ZC3H7A: variants seen among roughly 807,000 people sequenced by gnomAD.
ZC3H7A encodes the protein zinc finger CCCH domain-containing protein 7A.
A neutral mutation model predicts 125.5 loss-of-function variants in ZC3H7A; 44 were observed. That is an observed-to-expected ratio of 0.35 (90% CI 0.28 to 0.45). The LOEUF (loss-of-function observed/expected upper bound fraction) is 0.45, where lower values mean the gene tolerates loss of function less well. Among genes scored for constraint, ZC3H7A ranks in the 20% least tolerant of loss-of-function variants. The pLI is 1.00. For synonymous variants in ZC3H7A, 399 were observed against 391.2 expected, an observed-to-expected ratio of 1.02 and a Z score of -0.23; for missense variants, 977 against 1,170.7, an observed-to-expected ratio of 0.83 and a Z score of 2.41.
rs1379449095 is a variant in ZC3H7A at position 11,779,198 on chromosome 16, A to G, written c.274T>C (p.Tyr92His). ...LIPKEIIEKL[Y>H]INRIACYSNM... ...GAATAGCAGGCAATACGATTTATAT[A>G]TAGTTTTTCAATTATTTCTTTGGGG... Residue 92 changes from tyrosine to histidine, a missense_variant, in exon 4 of 23, where the codon TAT becomes CAT. Transcript: ENST00000355758. The G allele has an allele frequency of 6.2e-7, 1 of 1,606,876 alleles. No individual in the cohort carries two copies. The highest frequency in any genetic ancestry group is 8.5e-7 in the Non-Finnish European group (1 of 1,174,156).
intron 3 of ZC3H7A, among the ~76,000 whole-genome samples, chr16:11,780,409 C>A (rs1408140894): frequency 6.6e-6 from 1 of 152,102 alleles, no homozygotes; most frequent in African/African-American, 2.4e-5. Flanking sequence ...GTGTGAGCCA[C>A]CACGCCTGGC....
intron 10 of ZC3H7A, among the ~76,000 whole-genome samples, chr16:11,769,338 G>A (rs78862127): frequency 0.014 from 2,101 of 152,214 alleles, 16 homozygotes; most frequent in Non-Finnish European, 0.022. Flanking sequence ...AGCTAAGGCA[G>A]GGCCCACCAA....
At chr16:11,795,198 C>T (rs1596411076) in intron 1 of ZC3H7A, among the ~76,000 whole-genome samples, 1 of 152,138 alleles carries the variant, frequency 6.6e-6, no homozygotes, top group South Asian at 2.1e-4. Context: ...GGACAAGACC[C>T]ATTGTGCAAT....
Position 11,751,506 on chromosome 16 carries a change from C to G in ZC3H7A, c.2727G>C (p.Arg909Ser). ...CTTCTGGGCAGGTGCCATTCATATA[C>G]CTGTAAGGAGAAGTCAGCTGCTCAG... ...FPTGYFSICD[R>S]YMNGTCPEGN... The change falls in exon 23 of 23, where the codon AGG becomes AGC. Residue 909 changes from arginine to serine, a missense_variant and splice_region_variant. Coordinates refer to ENST00000355758, the MANE Select transcript of ZC3H7A (RefSeq NM_014153.4). 6.2e-7 allele frequency: 1 copy of G among 1,611,122 alleles called. No individual in the cohort carries two copies. Among genetic ancestry groups the G allele is most frequent in the Non-Finnish European group, 8.5e-7 (1 of 1,179,034 alleles).
intron 21 of ZC3H7A, 84 bp from the exon 22 acceptor site, chr16:11,752,916 G>C (rs977314346): frequency 6.6e-7 from 1 of 1,522,518 alleles, no homozygotes; most frequent in Non-Finnish European, 8.8e-7. Flanking sequence ...GCTGGTGGGA[G>C]AGCCAGGCAA....
At chr16:11,789,331 T>A (rs568437388) in intron 1 of ZC3H7A, among the ~76,000 whole-genome samples, 50 of 152,200 alleles carry the variant, frequency 3.3e-4, no homozygotes, top group African/African-American at 1.2e-3. Flanking sequence ...TGGCACAATC[T>A]CCAGCCTCCG....
At chr16:11,755,108 G>C (rs780975709) in intron 21 of ZC3H7A, among the ~76,000 whole-genome samples, 3 of 151,164 alleles carry the variant, frequency 2.0e-5, no homozygotes, top group Non-Finnish European at 2.9e-5. Flanking sequence ...TATTTAGAAG[G>C]CTGAGGCAGG....
At chr16:11,756,208 A>C in intron 21 of ZC3H7A, 29 bp downstream of exon 21, 1 of 1,589,596 alleles carries the variant, frequency 6.3e-7, no homozygotes, top group South Asian at 1.2e-5. Flanking sequence ...GGCTCGGCAA[A>C]GAGAGGGTAA....
Position 11,761,405 on chromosome 16 carries a change from C to T in ZC3H7A, c.2319+1G>A. 6.2e-7 allele frequency: 1 copy of T among 1,613,578 alleles called. No homozygotes were observed. The highest frequency in any genetic ancestry group is 8.5e-7 in the Non-Finnish European group (1 of 1,179,682). On this transcript the variant is annotated splice_donor_variant, in intron 19 of 22. Coordinates refer to ENST00000355758, the MANE Select transcript of ZC3H7A (RefSeq NM_014153.4). LOFTEE classifies it high-confidence loss of function. ...AAGTGGCTTAAAAATTACGTATGTA[C>T]ATCAAACTGTAAAGGCATTTGTTTC... is the stretch of plus-strand genomic sequence containing the variant.
intron 1 of ZC3H7A, among the ~76,000 whole-genome samples, chr16:11,792,881 G>A (rs112093963): frequency 6.6e-6 from 1 of 152,180 alleles, no homozygotes; most frequent in Non-Finnish European, 1.5e-5. Flanking sequence ...ATATGGCTCT[G>A]ATGAACAGGT....
Position 11,765,070 on chromosome 16 carries a change from A to C in ZC3H7A, c.1803T>G (p.His601Gln). 1 of 1,581,522 alleles carries C rather than the reference A, an allele frequency of 6.3e-7. No homozygotes were observed. Among genetic ancestry groups the C allele is most frequent in the Non-Finnish European group, 8.6e-7 (1 of 1,164,416 alleles). The change falls in exon 15 of 23, where the codon CAT (histidine) becomes CAG (glutamine). Residue 601 changes from histidine to glutamine, a missense_variant. Around this residue, in one of 3 missense-constraint regions of ZC3H7A, gnomAD observed 436 missense variants for 603.2 expected, o/e 0.72. Coordinates refer to ENST00000355758, the MANE Select transcript of ZC3H7A (RefSeq NM_014153.4). The surrounding 1 kb of genome is among the most constrained non-coding windows in gnomAD (Gnocchi z 4.8). ...STACSHPVTKHEFEDNKCLVH... is the reference protein window; with the variant it reads ...STACSHPVTKQEFEDNKCLVH... ...CAACATACTTATTGTCTTCAAACTC[A>C]TGCTTTGTAACCGGGTGAGAACAAG...
At position 11,776,803 on chromosome 16, in the gene ZC3H7A, C is replaced by A; in HGVS notation, c.413G>T (p.Arg138Ile). ...RKSKALSDLG[R>I]YKKAYDAVAK... ...TACAGCATCGTAAGCCTTTTTGTAT[C>A]TTCCTAAATCACTTAAAGCCTTAGA... Residue 138 changes from arginine (R) to isoleucine (I), a missense_variant, in exon 5 of 23, where the codon AGA becomes ATA. Physicochemically the swap from Arg to Ile is moderately conservative, Grantham distance 97. Transcript: ENST00000355758. The A allele has an allele frequency of 1.2e-6, 2 of 1,613,240 alleles. No individual in the cohort carries two copies. The highest frequency in any genetic ancestry group is 1.7e-6 in the Non-Finnish European group (2 of 1,179,760).
chr16:11,752,898 G>A, intron 21 of ZC3H7A, 66 bp from the exon 22 acceptor site: 1 of 1,558,510 alleles, frequency 6.4e-7, no homozygotes, highest in South Asian at 1.2e-5. Flanking sequence ...CAATTCCAGG[G>A]AGCCCAGGCT....
In ZC3H7A at chr16:11,783,988, G is replaced by GGACT. The variant is rs895122213; in HGVS notation, c.-34-1601_-34-1600insAGTC. ...ACTCCAGTAACAACAAAAAAGGGGG[G>GGACT]GGCTGTGAGGTGGGGAGGAAACAGC... On this transcript the variant is annotated intron_variant, in intron 1 of 22. Coordinates refer to ENST00000355758, the MANE Select transcript of ZC3H7A (RefSeq NM_014153.4). Among the ~76,000 whole-genome samples the GGACT allele has an allele frequency of 6.9e-5, 9 of 131,026 alleles. No individual in the cohort carries two copies. The East Asian group carries it at 2.2e-3, about 32-fold the overall frequency. 86.0% of individuals were successfully genotyped at this position (131,026 alleles called of 152,430 possible).
intron 19 of ZC3H7A, chr16:11,758,790 A>T (rs1325850210): frequency 1.5e-5 from 6 of 404,152 alleles, no homozygotes; most frequent in Non-Finnish European, 2.7e-5. Context: ...ATTTTCTTAC[A>T]AGAAAATGTC....
At chr16:11,768,193 C>CA (rs1349425496) in intron 12 of ZC3H7A, 122 bp downstream of exon 12, 2 of 1,021,750 alleles carry the variant, frequency 2.0e-6, no homozygotes, top group Non-Finnish European at 2.6e-6. Context: ...AGGAAGAATT[C>CA]AAAATAGGGA....
intron 1 of ZC3H7A, among the ~76,000 whole-genome samples, chr16:11,784,026 AC>A (rs1337115851): frequency 6.6e-6 from 1 of 152,020 alleles, no homozygotes; most frequent in East Asian, 1.9e-4. Flanking sequence ...AATGCTGATA[AC>A]CAGGGGAGGG....
At chr16:11,789,892 C>A (rs2053321053) in intron 1 of ZC3H7A, among the ~76,000 whole-genome samples, 1 of 151,812 alleles carries the variant, frequency 6.6e-6, no homozygotes, top group African/African-American at 2.4e-5. Flanking sequence ...ACCAGCCCAG[C>A]CAACATGGTG....
chr16:11,762,712 G>A lies in ZC3H7A; in HGVS notation c.2038C>T (p.Arg680Ter), dbSNP rs1282350898. 4 of 1,613,738 alleles carry A rather than the reference G, an allele frequency of 2.5e-6. No homozygotes were observed. The highest frequency in any genetic ancestry group is 1.1e-5 in the South Asian group (1 of 91,086). The change falls in exon 17 of 23, where the codon CGA (arginine) becomes TGA (stop). Residue 680 changes from arginine (R) to a stop codon, truncating the protein, a stop_gained. Coordinates refer to ENST00000355758, the MANE Select transcript of ZC3H7A (RefSeq NM_014153.4). LOFTEE classifies it high-confidence loss of function. ...SHDAIAQESK[R>*]YWQNLEANVP... is the part of the protein sequence containing the mutation. ...TTTGCTTCCAAATTCTGCCAATATC[G>A]TTTAGACTCTTGAGCAATAGCATCA...
Sources: allele counts gnomAD v4.1 joint callset (sites outside exome capture counted in the v4.1 genomes callset), GRCh38; gene constraint gnomAD v4.1.1; regional missense constraint gnomAD v4.1.1; non-coding constraint Gnocchi (gnomAD v3.1); transcripts MANE v1.5; gene names NCBI Gene and HGNC (gene_info 2026-07-23, HGNC 2026-07-21).